The following PALM2AKAP2 variants were observed in gnomAD, a reference collection of about 807,000 sequenced individuals.
The protein encoded by PALM2AKAP2 is PALM2-AKAP2 fusion protein.
PALM2AKAP2 carries 37 observed loss-of-function variants against 71.5 expected under a neutral mutation model. That is an observed-to-expected ratio of 0.52 (90% CI 0.40 to 0.68). PALM2AKAP2 has a LOEUF of 0.68. PALM2AKAP2 is among the 30% of genes least tolerant of loss of function. The pLI, the probability that PALM2AKAP2 is intolerant of heterozygous loss-of-function variation, is 0.00. For synonymous variants in PALM2AKAP2, 468 were observed against 478.8 expected (o/e 0.98, Z 0.29); for missense variants, 1,224 against 1,191.8 (o/e 1.03, Z -0.40).
chr9:109,743,794 G>A (rs1227108913), intron 1 of PALM2AKAP2, among the ~76,000 whole-genome samples: 2 of 152,172 alleles, frequency 1.3e-5, no homozygotes, highest in Admixed American at 6.5e-5. Flanking sequence ...TTTGATAACA[G>A]GAGACATGTC....
chr9:110,056,536 C>CTG (rs1412557052), intron 1 of PALM2AKAP2, among the ~76,000 whole-genome samples: 1 of 152,180 alleles, frequency 6.6e-6, no homozygotes, highest in Admixed American at 6.5e-5. Context: ...GTGCCATGTG[C>CTG]TGTGTGATTC....
At chr9:109,954,995 C>A (rs550170279) in intron 6 of PALM2AKAP2, among the ~76,000 whole-genome samples, 1 of 152,286 alleles carries the variant, frequency 6.6e-6, no homozygotes, top group Admixed American at 6.5e-5. Flanking sequence ...AACACCAACA[C>A]CACCACCATC....
At chr9:110,141,476 C>G (rs528244992) in intron 2 of PALM2AKAP2, among the ~76,000 whole-genome samples, 1 of 152,142 alleles carries the variant, frequency 6.6e-6, no homozygotes, top group South Asian at 2.1e-4. Context: ...TTGAAAGAAA[C>G]GGAATGTAAA....
At chr9:109,832,112 G>A (rs1399967073) in intron 1 of PALM2AKAP2, among the ~76,000 whole-genome samples, 1 of 152,170 alleles carries the variant, frequency 6.6e-6, no homozygotes, top group East Asian at 1.9e-4. Context: ...GGCTGGACAA[G>A]CATAAAGGAT....
At chr9:109,973,733 G>T (rs1038934221) in intron 6 of PALM2AKAP2, among the ~76,000 whole-genome samples, 1 of 152,196 alleles carries the variant, frequency 6.6e-6, no homozygotes, top group Non-Finnish European at 1.5e-5. Context: ...ACTCTGTGAG[G>T]TAGGTATTAT....
At chr9:109,938,999 G>A (rs976863122) in intron 6 of PALM2AKAP2, among the ~76,000 whole-genome samples, 9 of 151,966 alleles carry the variant, frequency 5.9e-5, no homozygotes, top group Non-Finnish European at 8.8e-5. Context: ...GCTGCACTTC[G>A]GCCTGGGTGA....
intron 1 of PALM2AKAP2, among the ~76,000 whole-genome samples, chr9:110,056,495 G>A (rs1833844551): frequency 6.6e-6 from 1 of 152,216 alleles, no homozygotes; most frequent in East Asian, 1.9e-4. Context: ...GGCACTCTGT[G>A]TGCGTGAATT....
rs141921217 is a variant in PALM2AKAP2 at position 109,683,731 on chromosome 9, G to A, written c.5+42865G>A. ...CATTGAGGGGAGCTGACTCATGTTC[G>A]TGTTCTTGCTCCCACAATGACTAGA... On this transcript the variant is annotated intron_variant, in intron 1 of 6. Transcript: ENST00000374531. Among the ~76,000 whole-genome samples the A allele has an allele frequency of 1.7e-3, 260 of 152,224 alleles. 1 individual carries two copies. The highest frequency in any genetic ancestry group is 0.011 in the East Asian group (56 of 5,176).
exon 4 of PALM2AKAP2, chr9:110,170,227 C>G (rs901213661): frequency 1.3e-5 from 2 of 152,294 alleles, no homozygotes; most frequent in African/African-American, 4.8e-5. Flanking sequence ...AAATAAACAG[C>G]CTTCTTTTTT....
upstream of PALM2AKAP2, among the ~76,000 whole-genome samples, chr9:109,776,641 A>T (rs1423246299): frequency 1.3e-5 from 2 of 152,220 alleles, no homozygotes; most frequent in Non-Finnish European, 2.9e-5. Flanking sequence ...CTTCTACCAC[A>T]GGATGTGGCT....
chr9:110,135,172 A>AAAAAT (rs1554755284), intron 1 of PALM2AKAP2, among the ~76,000 whole-genome samples: 3 of 61,092 alleles, frequency 4.9e-5, no homozygotes, highest in Non-Finnish European at 6.2e-5. Context: ...AAAATATATA[A>AAAAAT]ATATATATAT....
chr9:110,000,508 A>C (rs969346766), intron 6 of PALM2AKAP2, among the ~76,000 whole-genome samples: 2 of 152,210 alleles, frequency 1.3e-5, no homozygotes, highest in Admixed American at 6.5e-5. Context: ...CATGATTTCT[A>C]ATCCTTTGGG....
At chr9:109,724,880 A>C (rs891862388) in intron 1 of PALM2AKAP2, among the ~76,000 whole-genome samples, 1 of 152,332 alleles carries the variant, frequency 6.6e-6, no homozygotes, top group African/African-American at 2.4e-5. Flanking sequence ...ATTTGACTAT[A>C]TAAATATTTA....
intron 6 of PALM2AKAP2, among the ~76,000 whole-genome samples, chr9:109,971,290 T>G (rs1184205407): frequency 9.3e-6 from 1 of 107,590 alleles, no homozygotes; most frequent in South Asian, 3.6e-4. Flanking sequence ...TCCCTTTTTT[T>G]TTTTTTTTTT....
At chr9:109,929,462 C>A (rs546236495) in intron 5 of PALM2AKAP2, among the ~76,000 whole-genome samples, 1 of 152,306 alleles carries the variant, frequency 6.6e-6, no homozygotes, top group African/African-American at 2.4e-5. Flanking sequence ...CCCCTCAGGA[C>A]TACTGACCTC....
intron 1 of PALM2AKAP2, among the ~76,000 whole-genome samples, chr9:109,725,880 A>G (rs1461682489): frequency 2.6e-5 from 4 of 152,188 alleles, no homozygotes; most frequent in Non-Finnish European, 5.9e-5. Flanking sequence ...TCATCGTGGC[A>G]GCTATTTTAT....
intron 1 of PALM2AKAP2, among the ~76,000 whole-genome samples, chr9:109,678,082 C>T (rs561667710): frequency 5.6e-4 from 85 of 152,238 alleles, no homozygotes; most frequent in Middle Eastern, 3.4e-3. Flanking sequence ...GTCTAAATGA[C>T]GAAAACAAAC....
chr9:109,721,304 A>T (rs1828401344), intron 1 of PALM2AKAP2, among the ~76,000 whole-genome samples: 2 of 151,552 alleles, frequency 1.3e-5, no homozygotes, highest in African/African-American at 4.8e-5. Context: ...TTCCCAAGTC[A>T]TGGCTGAGTG....
At chr9:109,787,070 G>T (rs1015432251) in intron 1 of PALM2AKAP2, among the ~76,000 whole-genome samples, 3 of 152,186 alleles carry the variant, frequency 2.0e-5, no homozygotes, top group African/African-American at 7.2e-5. Flanking sequence ...GATGCACAGA[G>T]ACGGTGGTCC....
Sources: allele counts gnomAD v4.1 joint callset (sites outside exome capture counted in the v4.1 genomes callset), GRCh38; gene constraint gnomAD v4.1.1; transcripts MANE v1.5; gene names NCBI Gene and HGNC (gene_info 2026-07-23, HGNC 2026-07-21).